Variants in PSD3 observed in about 807,000 individuals in gnomAD.
PSD3 encodes the protein PH and SEC7 domain-containing protein 3.
In PSD3, 49 loss-of-function variants were observed where a neutral mutation model predicts 105.5. That is an observed-to-expected ratio of 0.46 (90% CI 0.37 to 0.59). The LOEUF is 0.59. PSD3 is among the 20% of genes least tolerant of loss of function. The probability of loss-of-function intolerance (pLI) is 0.00; values close to 1 mark genes in which losing one functional copy is unlikely to be tolerated. For synonymous variants in PSD3, 557 were observed against 457.8 expected, an observed-to-expected ratio of 1.22 and a Z score of -2.77; for missense variants, 1,561 against 1,263.8, an observed-to-expected ratio of 1.24 and a Z score of -3.57.
rs564371284 is a variant in PSD3 at position 18,766,549 on chromosome 8, G to A, written c.2083-1011C>T. ...TTTAATGAAAAACATGGGTAAAAAC[G>A]GACATTTCTGAGCTGAACTCAGCTG... On this transcript the variant is annotated intron_variant, in intron 8 of 15. Coordinates refer to ENST00000327040, the MANE Select transcript of PSD3 (RefSeq NM_015310.4). Among the ~76,000 whole-genome samples the A allele has an allele frequency of 5.9e-5, 9 of 152,070 alleles. No individual in the cohort carries two copies. In the South Asian group the frequency reaches 6.2e-4, roughly 11 times the overall value.
Position 19,071,522 on chromosome 8 carries a change from C to A in PSD3, c.324+12684G>T, listed in dbSNP as rs114080118. On this transcript the variant is annotated intron_variant, in intron 1 of 1. Transcript: ENST00000521475. ...GGGTAGAAGAAGAGAAACGGGAAGG[C>A]TGTTGAGAATCCTGAGGGGAGAGAG... Among the ~76,000 whole-genome samples the A allele has an allele frequency of 8.4e-3, 1,282 of 152,208 alleles. 22 individuals carry two copies. Among genetic ancestry groups the A allele is most frequent in the African/African-American group, 0.029 (1,207 of 41,522 alleles).
At chr8:18,657,528 G>GTA (rs1461980459) in intron 9 of PSD3, among the ~76,000 whole-genome samples, 2 of 152,146 alleles carry the variant, frequency 1.3e-5, no homozygotes, top group Non-Finnish European at 2.9e-5. Context: ...TTAAAATACG[G>GTA]AGTATACTGA....
At chr8:19,081,683 G>C (rs1377666345) in intron 1 of PSD3, among the ~76,000 whole-genome samples, 1 of 152,174 alleles carries the variant, frequency 6.6e-6, no homozygotes, top group Admixed American at 6.5e-5. Context: ...ATGAAGATTT[G>C]TTCTTCATTC....
chr8:18,997,840 G>A (rs776619307), intron 1 of PSD3, among the ~76,000 whole-genome samples: 6 of 151,830 alleles, frequency 4.0e-5, no homozygotes, highest in Non-Finnish European at 4.4e-5. Flanking sequence ...CCACCCATTT[G>A]TAACTGCAAC....
At chr8:18,723,752 T>C (rs1305042369) in intron 9 of PSD3, among the ~76,000 whole-genome samples, 1 of 152,224 alleles carries the variant, frequency 6.6e-6, no homozygotes, top group Non-Finnish European at 1.5e-5. Context: ...AACTATCATA[T>C]GAAAGCCAAG....
At chr8:19,031,468 CAG>C (rs1827766887) in intron 1 of PSD3, among the ~76,000 whole-genome samples, 1 of 149,702 alleles carries the variant, frequency 6.7e-6, no homozygotes, top group Non-Finnish European at 1.5e-5. Flanking sequence ...ACATAGGGAA[CAG>C]AGTACTATAC....
At chr8:18,951,095 A>G (rs1209838265) in intron 1 of PSD3, among the ~76,000 whole-genome samples, 1 of 152,198 alleles carries the variant, frequency 6.6e-6, no homozygotes, top group Non-Finnish European at 1.5e-5. Flanking sequence ...ATGAGTATAC[A>G]ACAGAGCCCT....
At chr8:18,590,504 C>T (rs1032764041) in intron 12 of PSD3, among the ~76,000 whole-genome samples, 2 of 152,132 alleles carry the variant, frequency 1.3e-5, no homozygotes, top group African/African-American at 4.8e-5. Flanking sequence ...TGAAAACAGA[C>T]ATGTTGTCAC....
chr8:18,874,719 A>G (rs964861244), intron 2 of PSD3, among the ~76,000 whole-genome samples: 436 of 151,344 alleles, frequency 2.9e-3, no homozygotes, highest in African/African-American at 0.01. Flanking sequence ...AAAAAAAAAA[A>G]AAAAAATTTG....
intron 11 of PSD3, among the ~76,000 whole-genome samples, chr8:18,616,052 G>C (rs999603158): frequency 2.6e-5 from 4 of 152,212 alleles, no homozygotes; most frequent in East Asian, 1.9e-4. Context: ...CCCCAACCTA[G>C]GAGCTCCAAA....
At chr8:18,937,191 A>T (rs1349188968) in intron 1 of PSD3, among the ~76,000 whole-genome samples, 1 of 152,198 alleles carries the variant, frequency 6.6e-6, no homozygotes, top group African/African-American at 2.4e-5. Flanking sequence ...ACAAGTAGCA[A>T]GGAAAAAAAT....
chr8:18,572,727 C>G (rs563122630), intron 13 of PSD3, 55 bp from the exon 14 acceptor site: 1 of 1,569,378 alleles, frequency 6.4e-7, no homozygotes, highest in South Asian at 1.1e-5. Context: ...AGTAGCATCA[C>G]ACTTTGCCTA....
At chr8:19,045,416 G>T (rs1828282218) in intron 1 of PSD3, among the ~76,000 whole-genome samples, 1 of 152,134 alleles carries the variant, frequency 6.6e-6, no homozygotes, top group Admixed American at 6.5e-5. Flanking sequence ...TAACAAAAGT[G>T]TTAAGGGAGG....
intron 10 of PSD3, among the ~76,000 whole-genome samples, chr8:18,642,699 A>G (rs911613102): frequency 8.5e-5 from 13 of 152,208 alleles, no homozygotes. Flanking sequence ...GAAGATAACA[A>G]TATTTGTAAA....
At chr8:18,933,823 GA>G (rs1274413221) in intron 2 of PSD3, among the ~76,000 whole-genome samples, 1 of 152,074 alleles carries the variant, frequency 6.6e-6, no homozygotes, top group East Asian at 1.9e-4. Flanking sequence ...CCCTGTCAGG[GA>G]AAGAGTAAAC....
intron 9 of PSD3, among the ~76,000 whole-genome samples, chr8:18,690,758 G>T (rs1023803652): frequency 1.3e-5 from 2 of 152,252 alleles, no homozygotes; most frequent in Non-Finnish European, 2.9e-5. Context: ...CCTCTTCCTC[G>T]CTGTCTGGTC....
In PSD3 at chr8:18,856,945, T is replaced by C. The variant is rs758424775; in HGVS notation, c.1634+10729A>G. 6.8e-4 allele frequency among the ~76,000 whole-genome samples: 103 copies of C among 152,306 alleles called. 1 individual carries two copies. The Middle Eastern group carries it at 0.014, about 20-fold the overall frequency. ...GCCAGTAAATGACTTAGACAGAGAA[T>C]TGACTAAAATTTGAACCAAAGCACT... On this transcript the variant is annotated intron_variant, in intron 4 of 15. Coordinates refer to ENST00000327040, the MANE Select transcript of PSD3 (RefSeq NM_015310.4).
chr8:18,696,902 C>G (rs1347158463), intron 9 of PSD3, among the ~76,000 whole-genome samples: 1 of 152,124 alleles, frequency 6.6e-6, no homozygotes, highest in Non-Finnish European at 1.5e-5. Context: ...GTAAAATTAA[C>G]TTTAACGATG....
chr8:18,998,514 C>T (rs992996481), intron 1 of PSD3, among the ~76,000 whole-genome samples: 15 of 151,812 alleles, frequency 9.9e-5, no homozygotes, highest in African/African-American at 2.7e-4. Context: ...GGTGAAACCC[C>T]GTCTCTACTA....
Sources: allele counts gnomAD v4.1 joint callset (sites outside exome capture counted in the v4.1 genomes callset), GRCh38; gene constraint gnomAD v4.1.1; transcripts MANE v1.5; gene names NCBI Gene and HGNC (gene_info 2026-07-23, HGNC 2026-07-21).